The following PPP1R14C variants were observed in gnomAD, a reference collection of about 807,000 sequenced individuals.
PPP1R14C encodes protein phosphatase 1 regulatory inhibitor subunit 14C.
Under a neutral mutation model 20.4 loss-of-function variants are expected in PPP1R14C, and 16 were observed. The ratio of observed to expected loss-of-function variants is 0.78; its 90% CI spans 0.53 to 1.19. The LOEUF (loss-of-function observed/expected upper bound fraction) is 1.19, where lower values mean the gene tolerates loss of function less well. Ranked by LOEUF, PPP1R14C falls within the 50% of genes most tolerant of loss-of-function variation. The pLI, the probability that PPP1R14C is intolerant of heterozygous loss-of-function variation, is 0.00. For synonymous variants in PPP1R14C, 91 were observed against 91.0 expected, an observed-to-expected ratio of 1.00 and a Z score of 0.00; for missense variants, 211 against 220.1, an observed-to-expected ratio of 0.96 and a Z score of 0.26.
chr6:150,236,147 A>AT (rs747644744), intron 3 of PPP1R14C, among the ~76,000 whole-genome samples: 10 of 152,162 alleles, frequency 6.6e-5, no homozygotes, highest in Non-Finnish European at 1.5e-4. Flanking sequence ...TGGTCTGACC[A>AT]TTGAGCTGCT....
chr6:150,158,002 G>A (rs924240252), intron 1 of PPP1R14C, among the ~76,000 whole-genome samples: 2 of 152,156 alleles, frequency 1.3e-5, no homozygotes, highest in African/African-American at 4.8e-5. Context: ...TTCCTGGGCT[G>A]GGGGAGCTGG....
intron 1 of PPP1R14C, among the ~76,000 whole-genome samples, chr6:150,205,064 C>G (rs1287066987): frequency 6.9e-6 from 1 of 145,528 alleles, no homozygotes; most frequent in Non-Finnish European, 1.5e-5. Context: ...GTCATTTTTG[C>G]TAAAATGAAT....
Position 150,185,116 on chromosome 6 carries a change from A to G in PPP1R14C, c.307-29628A>G, listed in dbSNP as rs1208010581. ...ATTAACTATCCTCTATTTCTGATGTAGTAGCATTCTCACTTCCTGCTTTTC... is the reference window on the plus strand; with the variant it reads ...ATTAACTATCCTCTATTTCTGATGTGGTAGCATTCTCACTTCCTGCTTTTC... On this transcript the variant is annotated intron_variant, in intron 1 of 3. Transcript: ENST00000361131. The surrounding 1 kb of genome is among the most constrained non-coding windows in gnomAD (Gnocchi z 4.1). Among the ~76,000 whole-genome samples the G allele has an allele frequency of 6.6e-6, 1 of 152,166 alleles. No homozygotes were observed. The highest frequency in any genetic ancestry group is 1.5e-5 in the Non-Finnish European group (1 of 68,028).
intron 3 of PPP1R14C, among the ~76,000 whole-genome samples, chr6:150,236,233 G>A (rs1018419839): frequency 3.3e-5 from 5 of 152,164 alleles, no homozygotes; most frequent in Admixed American, 1.3e-4. Context: ...GAGACAGTAT[G>A]TGAAAATAAA....
chr6:150,182,651 T>G (rs1777634529), intron 1 of PPP1R14C, among the ~76,000 whole-genome samples: 1 of 152,230 alleles, frequency 6.6e-6, no homozygotes, highest in Non-Finnish European at 1.5e-5. Context: ...AATAAAGACA[T>G]GGACCTACCT....
intron 1 of PPP1R14C, among the ~76,000 whole-genome samples, chr6:150,181,574 T>C (rs1378972890): frequency 6.6e-6 from 1 of 152,262 alleles, no homozygotes; most frequent in Non-Finnish European, 1.5e-5. Flanking sequence ...ACTTCTCAAA[T>C]TGGCTCCTTG....
chr6:150,164,305 T>C (rs1777401988), intron 1 of PPP1R14C, among the ~76,000 whole-genome samples: 1 of 152,220 alleles, frequency 6.6e-6, no homozygotes, highest in Non-Finnish European at 1.5e-5. Flanking sequence ...TTGTCAGAAA[T>C]ATGTGTCCCA....
chr6:150,232,656 T>C (rs1778308219), intron 3 of PPP1R14C, among the ~76,000 whole-genome samples: 1 of 152,224 alleles, frequency 6.6e-6, no homozygotes, highest in Non-Finnish European at 1.5e-5. Flanking sequence ...GTCCCATTTA[T>C]TGGGCAGTCA....
chr6:150,167,941 C>CTGTTCTCCCCTTCTCTCCTCCCCT (rs1777442134), intron 1 of PPP1R14C, among the ~76,000 whole-genome samples: 34 of 120,518 alleles, frequency 2.8e-4, no homozygotes, highest in African/African-American at 8.8e-4. Context: ...CTCCATGTCT[C>CTGTTCTCCCCTTCTCTCCTCCCCT]CGTTCTCCCC....
intron 1 of PPP1R14C, among the ~76,000 whole-genome samples, chr6:150,180,484 T>G (rs1407496401): frequency 6.6e-6 from 1 of 152,158 alleles, no homozygotes; most frequent in Non-Finnish European, 1.5e-5. Context: ...GGAAAGTAGT[T>G]TAATGAAATC....
At position 150,249,551 on chromosome 6, in the gene PPP1R14C, G is replaced by A. The variant is rs1484366576; in HGVS notation, c.*731G>A. 19 of 398,532 alleles carry A rather than the reference G, an allele frequency of 4.8e-5. No individual in the cohort carries two copies. The highest frequency in any genetic ancestry group is 8.8e-5 in the Admixed American group (2 of 22,732). The allele number at this position is 398,532 out of a possible 1,614,324, so 24.7% of individuals were successfully genotyped here. On this transcript the variant is annotated 3_prime_UTR_variant, in exon 4 of 4. Transcript: ENST00000361131. ...TGCTTTGCCAGGTCATGTGCTTATTGTCTCATTTTGTAGTCTTTTAAAGTT... is the reference window on the plus strand; with the variant it reads ...TGCTTTGCCAGGTCATGTGCTTATTATCTCATTTTGTAGTCTTTTAAAGTT...
chr6:150,175,994 T>G (rs980228744), intron 1 of PPP1R14C, among the ~76,000 whole-genome samples: 26 of 152,214 alleles, frequency 1.7e-4, no homozygotes, highest in African/African-American at 5.8e-4. Flanking sequence ...CATAAGTGAC[T>G]CTACTAAAGG....
intron 3 of PPP1R14C, 80 bp downstream of exon 3, chr6:150,216,936 C>T (rs1778101630): frequency 8.6e-7 from 1 of 1,159,312 alleles, no homozygotes; most frequent in Non-Finnish European, 1.3e-6. Context: ...AAGCAAACCA[C>T]AATAAGTAGG....
chr6:150,200,206 G>A (rs9371817), intron 1 of PPP1R14C, among the ~76,000 whole-genome samples: 7,986 of 151,162 alleles, frequency 0.053, 462 homozygotes, highest in African/African-American at 0.14. Context: ...ACACACACAT[G>A]TACACAACAC....
At chr6:150,229,553 C>T (rs1778268487) in intron 3 of PPP1R14C, among the ~76,000 whole-genome samples, 4 of 152,032 alleles carry the variant, frequency 2.6e-5, no homozygotes, top group Admixed American at 2.6e-4. Flanking sequence ...AATAAATTAG[C>T]CCAAGAACAA....
intron 1 of PPP1R14C, among the ~76,000 whole-genome samples, chr6:150,144,738 A>AG (rs1777163062): frequency 6.6e-6 from 1 of 152,256 alleles, no homozygotes; most frequent in African/African-American, 2.4e-5. Flanking sequence ...ATAAATGATT[A>AG]TAATATAATG....
At position 150,209,691 on chromosome 6, in the gene PPP1R14C, T is replaced by TTG. The variant is rs138079467; in HGVS notation, c.307-5038_307-5037dup. Among the ~76,000 whole-genome samples, 360 of 146,688 alleles carry TTG rather than the reference T, an allele frequency of 2.5e-3. 3 individuals carry two copies. The highest frequency in any genetic ancestry group is 4.2e-3 in the South Asian group (19 of 4,570). ...ATGGAGTGTATGTTTGTGTATGTAT[T>TTG]TGTGTGTGTGTGTGTGCATGTGAGC... On this transcript the variant is annotated intron_variant, in intron 1 of 3. Transcript: ENST00000361131.
intron 1 of PPP1R14C, among the ~76,000 whole-genome samples, chr6:150,155,886 G>A (rs1582895583): frequency 6.6e-6 from 1 of 151,626 alleles, no homozygotes; most frequent in African/African-American, 2.4e-5. Flanking sequence ...TTAGCCAGGT[G>A]TGATGGTGGG....
chr6:150,227,337 A>AT (rs1778242310), intron 3 of PPP1R14C, among the ~76,000 whole-genome samples: 1 of 152,156 alleles, frequency 6.6e-6, no homozygotes, highest in Non-Finnish European at 1.5e-5. Flanking sequence ...TTCTACATCC[A>AT]TTTTTAAAGC....
Sources: allele counts gnomAD v4.1 joint callset (sites outside exome capture counted in the v4.1 genomes callset), GRCh38; gene constraint gnomAD v4.1.1; non-coding constraint Gnocchi (gnomAD v3.1); transcripts MANE v1.5; gene names NCBI Gene and HGNC (gene_info 2026-07-23, HGNC 2026-07-21).